Variants in COL5A2 observed in about 807,000 individuals in gnomAD.
COL5A2 encodes the protein collagen alpha-2(V) chain.
In COL5A2, 23 loss-of-function variants were observed where a neutral mutation model predicts 208.2. That is an observed-to-expected ratio of 0.11 (90% CI 0.08 to 0.16). COL5A2 has a LOEUF of 0.16. Among genes scored for constraint, COL5A2 ranks in the 10% least tolerant of loss-of-function variants. COL5A2 has a pLI of 1.00. For missense variants in COL5A2, 1,590 were observed against 1,956.4 expected (o/e 0.81, Z 3.53); for synonymous variants, 625 against 628.5 (o/e 0.99, Z 0.08).
intron 5 of COL5A2, chr2:189,097,646 A>C (rs1236441362): frequency 3.7e-6 from 2 of 536,678 alleles, no homozygotes; most frequent in South Asian, 3.1e-5. Context: ...GTCTTCTCCC[A>C]GGTAAAGCCT....
At chr2:189,381,889 T>A in the COL5A2 span, among the ~76,000 whole-genome samples, 1 of 152,238 alleles carries the variant, frequency 6.6e-6, no homozygotes. Flanking sequence ...ACTTTATTTT[T>A]AGTAAAAGTT....
the COL5A2 span, among the ~76,000 whole-genome samples, chr2:189,389,578 C>T: frequency 6.6e-6 from 1 of 152,088 alleles, no homozygotes; most frequent in Admixed American, 6.6e-5. Flanking sequence ...AGAATCACTC[C>T]ATAAATTTTA....
the COL5A2 span, among the ~76,000 whole-genome samples, chr2:189,294,090 GA>G: frequency 8.5e-3 from 412 of 48,254 alleles, 1 homozygote; most frequent in African/African-American, 0.018. Context: ...TCCGTCTCAA[GA>G]AAAAAAAAAA....
At chr2:189,076,506 G>A (rs1686408043) in intron 16 of COL5A2, among the ~76,000 whole-genome samples, 1 of 152,174 alleles carries the variant, frequency 6.6e-6, no homozygotes, top group Non-Finnish European at 1.5e-5. Flanking sequence ...AATTGCATGG[G>A]TCTTGTATAG....
At chr2:189,432,716 C>T in the COL5A2 span, among the ~76,000 whole-genome samples, 2 of 152,078 alleles carry the variant, frequency 1.3e-5, no homozygotes, top group Middle Eastern at 3.2e-3. Flanking sequence ...ACTTAGACTC[C>T]CACACAATAA....
At chr2:189,311,974 T>C in the COL5A2 span, 3 of 749,876 alleles carry the variant, frequency 4.0e-6, 1 homozygote, top group Non-Finnish European at 4.9e-6. Context: ...TGGTCATCAG[T>C]GACCTTGTGG....
At chr2:189,429,009 G>A in the COL5A2 span, among the ~76,000 whole-genome samples, 1 of 152,080 alleles carries the variant, frequency 6.6e-6, no homozygotes, top group Non-Finnish European at 1.5e-5. Flanking sequence ...ATTACAATCA[G>A]GCCGGAAGAA....
intron 33 of COL5A2, 101 bp from the exon 34 acceptor site, chr2:189,057,528 T>C (rs1222823863): frequency 6.3e-6 from 5 of 799,660 alleles, no homozygotes; most frequent in African/African-American, 1.7e-5. Flanking sequence ...CAATTTCATG[T>C]AGTTCAACTT....
intron 1 of COL5A2, among the ~76,000 whole-genome samples, chr2:189,184,980 A>T (rs1688831259): frequency 1.3e-5 from 2 of 152,152 alleles, no homozygotes; most frequent in Admixed American, 6.5e-5. Flanking sequence ...GCAATGAGAA[A>T]TCAACAAAGC....
the COL5A2 span, among the ~76,000 whole-genome samples, chr2:189,308,264 G>A: frequency 1.3e-5 from 2 of 148,478 alleles, no homozygotes; most frequent in Admixed American, 1.4e-4. Flanking sequence ...TGATGGGAAG[G>A]AGGAAGGAGG....
intron 13 of COL5A2, among the ~76,000 whole-genome samples, chr2:189,080,495 A>G (rs1686507192): frequency 6.7e-6 from 1 of 148,996 alleles, no homozygotes; most frequent in African/African-American, 2.5e-5. Context: ...TGATATTATG[A>G]TAGTTAGATA....
chr2:189,361,252 A>G, the COL5A2 span, among the ~76,000 whole-genome samples: 345 of 152,106 alleles, frequency 2.3e-3, 1 homozygote, highest in African/African-American at 7.3e-3. Flanking sequence ...CTCTCCTTTT[A>G]GGTCTACTAA....
the COL5A2 span, among the ~76,000 whole-genome samples, chr2:189,433,876 CAAAAA>C: frequency 3.9e-5 from 6 of 151,926 alleles, no homozygotes; most frequent in Non-Finnish European, 8.8e-5. Flanking sequence ...AGAGACACAA[CAAAAA>C]AAGAGAATTT....
At chr2:189,095,471 C>A (rs924776552) in intron 6 of COL5A2, among the ~76,000 whole-genome samples, 1 of 151,986 alleles carries the variant, frequency 6.6e-6, no homozygotes, top group African/African-American at 2.4e-5. Context: ...ATCTACCCCC[C>A]TTTCTCCCTC....
chr2:189,243,006 G>T, the COL5A2 span, among the ~76,000 whole-genome samples: 440 of 152,240 alleles, frequency 2.9e-3, 3 homozygotes, highest in African/African-American at 8.7e-3. Flanking sequence ...ATTTTGATGG[G>T]TTGGATGGAG....
At chr2:189,083,734 C>A (rs10166867) in intron 12 of COL5A2, among the ~76,000 whole-genome samples, 1 of 151,736 alleles carries the variant, frequency 6.6e-6, no homozygotes, top group Non-Finnish European at 1.5e-5. Flanking sequence ...GTTTGGAGAG[C>A]ATTCATGTTA....
chr2:189,129,679 A>T (rs1687674068), intron 1 of COL5A2, among the ~76,000 whole-genome samples: 1 of 152,048 alleles, frequency 6.6e-6, no homozygotes, highest in South Asian at 2.1e-4. Flanking sequence ...TTGAAGAGCA[A>T]CTTATCTGTA....
the COL5A2 span, among the ~76,000 whole-genome samples, chr2:189,393,858 T>C: frequency 6.6e-6 from 1 of 152,206 alleles, no homozygotes; most frequent in African/African-American, 2.4e-5. Context: ...GTCTGGCTTT[T>C]CACAGCATGC....
intron 1 of COL5A2, among the ~76,000 whole-genome samples, chr2:189,141,304 G>A (rs1438528456): frequency 1.3e-5 from 2 of 152,076 alleles, no homozygotes; most frequent in Non-Finnish European, 2.9e-5. Flanking sequence ...TTTATACAAG[G>A]CAGTTTTCAG....
Sources: allele counts gnomAD v4.1 joint callset (sites outside exome capture counted in the v4.1 genomes callset), GRCh38; gene constraint gnomAD v4.1.1; transcripts MANE v1.5; gene names NCBI Gene and HGNC (gene_info 2026-07-23, HGNC 2026-07-21).